The following TDRD1 variants were observed in gnomAD, a reference collection of about 807,000 sequenced individuals.
The protein encoded by TDRD1 is tudor domain containing 1, also known as tudor domain-containing protein 1.
Under a neutral mutation model 140.6 loss-of-function variants are expected in TDRD1, and 37 were observed. That is an observed-to-expected ratio of 0.26 (90% confidence interval 0.20 to 0.35). TDRD1 has a LOEUF of 0.35. TDRD1 is among the 10% of genes least tolerant of loss of function. The pLI, the probability that TDRD1 is intolerant of heterozygous loss-of-function variation, is 1.00. For missense variants in TDRD1, 1,243 were observed against 1,393.0 expected (o/e 0.89, Z 1.71); for synonymous variants, 506 against 475.7 (o/e 1.06, Z -0.83).
At chr10:114,228,641 T>C (rs2036579948) in intron 25 of TDRD1, 4 of 985,456 alleles carry the variant, frequency 4.1e-6, no homozygotes, top group Non-Finnish European at 4.8e-6. Context: ...CTCCCTGCTT[T>C]TGGCTGTGGT....
intron 23 of TDRD1, among the ~76,000 whole-genome samples, 170 bp from the exon 24 acceptor site, chr10:114,227,740 A>G (rs989799653): frequency 1.3e-5 from 2 of 152,234 alleles, no homozygotes; most frequent in African/African-American, 4.8e-5. Flanking sequence ...TAATGTGGTC[A>G]AATCCAGACC....
At chr10:114,206,468 T>C in intron 11 of TDRD1, 138 bp downstream of exon 11, 2 of 604,956 alleles carry the variant, frequency 3.3e-6, no homozygotes, top group South Asian at 2.3e-5. Flanking sequence ...ATACGCTGTT[T>C]TATATTTAGT....
intron 17 of TDRD1, 28 bp from the exon 18 acceptor site, chr10:114,218,386 C>T (rs766499301): frequency 2.8e-6 from 4 of 1,430,342 alleles, no homozygotes; most frequent in African/African-American, 2.9e-5. Flanking sequence ...GGAAATGTTC[C>T]ATGTCACAAA....
At chr10:114,181,318 A>T (rs2033043961) in intron 1 of TDRD1, among the ~76,000 whole-genome samples, 1 of 152,232 alleles carries the variant, frequency 6.6e-6, no homozygotes, top group Non-Finnish European at 1.5e-5. Context: ...ATGAAAAAAT[A>T]GTAGATTGTA....
chr10:114,176,080 A>G (rs140767266), upstream of TDRD1, among the ~76,000 whole-genome samples: 5 of 152,292 alleles, frequency 3.3e-5, no homozygotes, highest in East Asian at 9.7e-4. This position sits in a 1 kb window ranked among gnomAD's most constrained non-coding sequence, Gnocchi z 4.2. Context: ...TCATCTGTGA[A>G]TCTAGAACCA....
intron 19 of TDRD1, 51 bp from the exon 20 acceptor site, chr10:114,221,306 A>G (rs768113537): frequency 4.5e-6 from 7 of 1,566,060 alleles, no homozygotes; most frequent in Admixed American, 3.5e-5. Context: ...GAGGAAAACA[A>G]CAGTACATTT....
At chr10:114,218,935 T>C (rs978487295) in intron 18 of TDRD1, among the ~76,000 whole-genome samples, 2 of 152,168 alleles carry the variant, frequency 1.3e-5, no homozygotes, top group Non-Finnish European at 2.9e-5. Flanking sequence ...AAAATAATTA[T>C]TACACCACTG....
chr10:114,200,119 T>C (rs2132938632), intron 4 of TDRD1, among the ~76,000 whole-genome samples: 1 of 152,358 alleles, frequency 6.6e-6, no homozygotes, highest in African/African-American at 2.4e-5. Flanking sequence ...GGTGTTTGTG[T>C]TTTTAATTAT....
chr10:114,195,175 T>C (rs527335081), intron 3 of TDRD1, among the ~76,000 whole-genome samples: 1 of 152,244 alleles, frequency 6.6e-6, no homozygotes, highest in Non-Finnish European at 1.5e-5. Flanking sequence ...GCCACTGATT[T>C]CTAGTTTGAG....
At chr10:114,177,779 C>G (rs1056599849), upstream of TDRD1, among the ~76,000 whole-genome samples, 1 of 151,766 alleles carries the variant, frequency 6.6e-6, no homozygotes, top group Admixed American at 6.6e-5. Flanking sequence ...ATAGGGGAAA[C>G]GATGTGGCTT....
At position 114,227,306 on chromosome 10, in the gene TDRD1, T is replaced by C. The variant is rs776301565; in HGVS notation, c.3403+7T>C. The stretch of plus-strand genomic sequence containing the variant: ...CAGAGTGCTTTAAATACAGGTATTC[T>C]TTTCAAGTGTTATTAATAACAGATG... On this transcript the variant is annotated splice_region_variant and intron_variant, in intron 23 of 25. Coordinates refer to ENST00000251864, the Ensembl canonical transcript of TDRD1. The C allele has an allele frequency of 2.6e-6, 4 of 1,566,008 alleles. No homozygotes were observed. The highest frequency in any genetic ancestry group is 1.7e-4 in the Middle Eastern group (1 of 5,994).
intron 8 of TDRD1, 110 bp downstream of exon 8, chr10:114,203,677 A>G (rs887872984): frequency 1.0e-6 from 1 of 965,454 alleles, no homozygotes; most frequent in East Asian, 2.6e-5. Context: ...CCAGCCTCTG[A>G]TCACGCTTCT....
chr10:114,218,010 T>A (rs993563499), intron 17 of TDRD1, among the ~76,000 whole-genome samples: 1 of 152,240 alleles, frequency 6.6e-6, no homozygotes, highest in African/African-American at 2.4e-5. Flanking sequence ...TTCATTACAA[T>A]AATTTTTTTA....
At chr10:114,220,994 A>G (rs2036110012) in intron 19 of TDRD1, 151 bp downstream of exon 19, 1 of 603,422 alleles carries the variant, frequency 1.7e-6, no homozygotes, top group Non-Finnish European at 2.9e-6. Context: ...TTATTAAATT[A>G]TTGAACAAAC....
upstream of TDRD1, among the ~76,000 whole-genome samples, chr10:114,177,930 G>A (rs2032747944): frequency 6.6e-6 from 1 of 150,700 alleles, no homozygotes; most frequent in African/African-American, 2.4e-5. Flanking sequence ...CCTCCTGGGT[G>A]CAGGCGATTC....
Position 114,221,486 on chromosome 10 carries a change from C to A in TDRD1, c.2890+10C>A, listed in dbSNP as rs757533740. On this transcript the variant is annotated intron_variant, in intron 20 of 25. Transcript: ENST00000251864. Reference sequence around the variant, plus strand: ...CCAAAAGGGATGCCAGGTAAGAAACCAAAATTTGAGACATATTTATGCTCA... The same window carrying A: ...CCAAAAGGGATGCCAGGTAAGAAACAAAAATTTGAGACATATTTATGCTCA... The A allele has an allele frequency of 1.4e-5, 22 of 1,608,990 alleles. No individual in the cohort carries two copies. The highest frequency in any genetic ancestry group is 1.8e-5 in the Non-Finnish European group (21 of 1,178,068).
intron 1 of TDRD1, among the ~76,000 whole-genome samples, chr10:114,184,358 T>A (rs1214124006): frequency 6.6e-6 from 1 of 152,234 alleles, no homozygotes; most frequent in African/African-American, 2.4e-5. Flanking sequence ...GCTGGAGTGA[T>A]GACGCAAAGG....
At chr10:114,197,394 T>C (rs2034436293) in intron 3 of TDRD1, among the ~76,000 whole-genome samples, 1 of 152,220 alleles carries the variant, frequency 6.6e-6, no homozygotes. Context: ...ACTTTTCAGT[T>C]TTAAAATACT....
chr10:114,205,988 C>A (rs2035074723), intron 10 of TDRD1, among the ~76,000 whole-genome samples: 1 of 152,100 alleles, frequency 6.6e-6, no homozygotes, highest in African/African-American at 2.4e-5. Flanking sequence ...TGTACACCTA[C>A]TATGTACTCA....
Sources: gnomAD v4.1 joint callset for allele counts (sites outside exome capture counted in the v4.1 genomes callset) on GRCh38, gnomAD v4.1.1 for gene constraint, Gnocchi (gnomAD v3.1) non-coding constraint, MANE v1.5 for transcripts, NCBI Gene and HGNC (gene_info 2026-07-23, HGNC 2026-07-21) for gene names.